The following FAM114A1 variants were observed in gnomAD, a reference collection of about 807,000 sequenced individuals.
FAM114A1 encodes the protein family with sequence similarity 114 member A1.
A neutral mutation model predicts 64.3 loss-of-function variants in FAM114A1; 62 were observed. The observed-to-expected ratio is 0.96, with a 90% CI of 0.79 to 1.19. The LOEUF (loss-of-function observed/expected upper bound fraction) is 1.19, where lower values mean the gene tolerates loss of function less well. FAM114A1 is among the 50% of genes most tolerant of loss of function. The pLI is 0.00. For missense variants in FAM114A1, 645 were observed against 676.3 expected, an observed-to-expected ratio of 0.95 and a Z score of 0.51; for synonymous variants, 254 against 251.1, an observed-to-expected ratio of 1.01 and a Z score of -0.11.
intron 12 of FAM114A1, among the ~76,000 whole-genome samples, chr4:38,932,582 A>C (rs1243199754): frequency 6.6e-6 from 1 of 152,006 alleles, no homozygotes; most frequent in Non-Finnish European, 1.5e-5. Flanking sequence ...CTGCAGCCCC[A>C]AACTCCTGGG....
chr4:38,923,006 C>T, intron 9 of FAM114A1, 113 bp downstream of exon 9: 2 of 1,210,936 alleles, frequency 1.7e-6, no homozygotes, highest in Non-Finnish European at 2.2e-6. Context: ...CTCCTCCATG[C>T]TTCCAAAAGA....
At position 38,931,443 on chromosome 4, in the gene FAM114A1, C is replaced by T. The variant is rs145444728; in HGVS notation, c.1162-8C>T. 827 of 1,597,078 alleles carry T rather than the reference C, an allele frequency of 5.2e-4. 5 individuals carry two copies. In the African/African-American group the frequency reaches 0.011, roughly 20 times the overall value. ...ATAAAAGGATTGTTTGGTTGGGGAC[C>T]TCTGCAGGCCATGAAGAGGGCTCAT... On this transcript the variant is annotated splice_region_variant and splice_polypyrimidine_tract_variant and intron_variant, in intron 10 of 14. Transcript: ENST00000358869.
rs912450954 is a variant in FAM114A1 at position 38,931,554 on chromosome 4, A to G, written c.1265A>G (p.Glu422Gly). 1.2e-6 allele frequency: 2 copies of G among 1,613,994 alleles called. No homozygotes were observed. The highest frequency in any genetic ancestry group is 1.7e-6 in the Non-Finnish European group (2 of 1,180,018). ...EEETKKEEKE[E>G]KSQDPQEDKK... ...GAAACAAAGAAGGAAGAAAAGGAAG[A>G]GAAATCTCAAGACCCTCAAGAAGAC... Residue 422 changes from glutamate (E) to glycine (G), a missense_variant, in exon 11 of 15, where the codon GAG (glutamate) becomes GGG (glycine). Transcript: ENST00000358869.
At chr4:38,940,273 T>A (rs749675977) in intron 13 of FAM114A1, among the ~76,000 whole-genome samples, 4 of 152,156 alleles carry the variant, frequency 2.6e-5, no homozygotes, top group African/African-American at 4.8e-5. Context: ...CAAATGTGGA[T>A]CTGCAGACCT....
At position 38,936,286 on chromosome 4, in the gene FAM114A1, G is replaced by C. The variant is rs1410479733; in HGVS notation, c.1536+496G>C. On this transcript the variant is annotated intron_variant, in intron 13 of 14. Coordinates refer to ENST00000358869, the MANE Select transcript of FAM114A1 (RefSeq NM_138389.4). ...TTTTTTTATATTTTTAGTAGAGACA[G>C]GGTTTCACCGTGTTAGCCAGGATGG... Among the ~76,000 whole-genome samples the C allele has an allele frequency of 3.3e-5, 5 of 151,746 alleles. No homozygotes were observed. The East Asian group carries it at 9.7e-4, about 30-fold the overall frequency.
rs1163788925 is a variant in FAM114A1 at position 38,944,950 on chromosome 4, G to T, written c.*1393G>T. 1.3e-5 allele frequency: 2 copies of T among 152,078 alleles called. No individual in the cohort carries two copies. The highest frequency in any genetic ancestry group is 3.8e-4 in the East Asian group (2 of 5,198). The allele number at this position is 152,078 out of a possible 1,614,324, so 9.4% of individuals were successfully genotyped here. ...AACCTTAAAAACTTTGAAGAACAAGGTAAATTGGTGTTTTATTTAATGTCC... is the reference window on the plus strand; with the variant it reads ...AACCTTAAAAACTTTGAAGAACAAGTTAAATTGGTGTTTTATTTAATGTCC... On this transcript the variant is annotated 3_prime_UTR_variant, in exon 15 of 15. Transcript: ENST00000358869.
chr4:38,894,059 A>G (rs1716664626), intron 4 of FAM114A1, among the ~76,000 whole-genome samples: 1 of 150,026 alleles, frequency 6.7e-6, no homozygotes, highest in Non-Finnish European at 1.5e-5. Context: ...GCTACATGGG[A>G]GGCTGAGACA....
intron 9 of FAM114A1, 70 bp from the exon 10 acceptor site, chr4:38,929,172 G>A (rs1297215465): frequency 1.3e-5 from 16 of 1,244,456 alleles, no homozygotes; most frequent in Non-Finnish European, 1.5e-5. Flanking sequence ...AGGCTGTAAT[G>A]TTGGGGGAGC....
rs1809657 is a variant in FAM114A1 at position 38,944,359 on chromosome 4, C to T, written c.*802C>T. 60,121 of 152,058 alleles carry T rather than the reference C, an allele frequency of 0.4. 12,711 individuals carry two copies. The highest frequency in any genetic ancestry group is 0.47 in the Non-Finnish European group (32,264 of 68,028). 9.4% of individuals were successfully genotyped at this position (152,058 alleles called of 1,614,324 possible). Reference sequence around the variant, plus strand: ...TGCTGGGATTACAGGCTTGAGCCACCGCGCCCGGCCGGTCATTCATTCTTG... The same window carrying T: ...TGCTGGGATTACAGGCTTGAGCCACTGCGCCCGGCCGGTCATTCATTCTTG... On this transcript the variant is annotated 3_prime_UTR_variant, in exon 15 of 15. Transcript: ENST00000358869.
intron 13 of FAM114A1, among the ~76,000 whole-genome samples, chr4:38,938,072 G>C (rs1406650122): frequency 6.6e-6 from 1 of 152,188 alleles, no homozygotes. Context: ...CTATTAATGT[G>C]ACTCAGTGAC....
chr4:38,873,160 C>A (rs1394790955), intron 2 of FAM114A1, among the ~76,000 whole-genome samples: 6 of 152,194 alleles, frequency 3.9e-5, no homozygotes, highest in Non-Finnish European at 4.4e-5. Flanking sequence ...CTTGAATATC[C>A]TAAACTTTGT....
At chr4:38,898,217 A>G (rs1717135713) in intron 4 of FAM114A1, among the ~76,000 whole-genome samples, 1 of 152,254 alleles carries the variant, frequency 6.6e-6, no homozygotes, top group South Asian at 2.1e-4. Context: ...GAGTTTAAAC[A>G]TCTTATGCAA....
intron 8 of FAM114A1, among the ~76,000 whole-genome samples, chr4:38,919,587 C>G (rs1719393455): frequency 6.6e-6 from 1 of 152,180 alleles, no homozygotes; most frequent in Admixed American, 6.5e-5. Context: ...GGGACCATTT[C>G]TTGGGCCTGG....
chr4:38,886,529 G>A (rs1380716842), intron 3 of FAM114A1, among the ~76,000 whole-genome samples: 1 of 152,020 alleles, frequency 6.6e-6, no homozygotes, highest in Non-Finnish European at 1.5e-5. Context: ...CACCAGATAA[G>A]TTTGAAAGAC....
At position 38,908,577 on chromosome 4, in the gene FAM114A1, T is replaced by C. The variant is rs1279515782; in HGVS notation, c.658-15T>C. The C allele has an allele frequency of 2.5e-6, 4 of 1,592,314 alleles. No individual in the cohort carries two copies. The highest frequency in any genetic ancestry group is 3.4e-6 in the Non-Finnish European group (4 of 1,163,024). On this transcript the variant is annotated splice_polypyrimidine_tract_variant and intron_variant, in intron 6 of 14. Transcript: ENST00000358869. ...AACCTAAACATCTAATCTCATGCAG[T>C]TATCTCATCTGCAGGGTAAAAGTGT...
At chr4:38,930,240 G>A (rs577778879) in intron 10 of FAM114A1, among the ~76,000 whole-genome samples, 12 of 152,174 alleles carry the variant, frequency 7.9e-5, no homozygotes, top group Non-Finnish European at 1.6e-4. Context: ...TAGAGGCCAT[G>A]ATCATTAATT....
intron 13 of FAM114A1, among the ~76,000 whole-genome samples, chr4:38,939,861 A>G (rs1007072526): frequency 4.0e-5 from 6 of 150,432 alleles, no homozygotes; most frequent in African/African-American, 1.5e-4. Context: ...AGATAATGAT[A>G]CCAACTCTGC....
At chr4:38,875,508 G>C (rs943374614) in intron 2 of FAM114A1, among the ~76,000 whole-genome samples, 1 of 152,092 alleles carries the variant, frequency 6.6e-6, no homozygotes, top group African/African-American at 2.4e-5. Flanking sequence ...ACTGATTTTT[G>C]TACATTGATT....
chr4:38,918,831 C>T (rs543396227), intron 8 of FAM114A1, among the ~76,000 whole-genome samples: 2 of 152,226 alleles, frequency 1.3e-5, no homozygotes, highest in Non-Finnish European at 2.9e-5. Flanking sequence ...CATGGTGGCA[C>T]TGCCTATGGT....
Sources: allele counts gnomAD v4.1 joint callset (sites outside exome capture counted in the v4.1 genomes callset), GRCh38; gene constraint gnomAD v4.1.1; transcripts MANE v1.5; gene names NCBI Gene and HGNC (gene_info 2026-07-23, HGNC 2026-07-21).